The following ABHD6 variants were observed in gnomAD, a reference collection of about 807,000 sequenced individuals.
ABHD6 encodes the protein abhydrolase domain containing 6, acylglycerol lipase, also known as monoacylglycerol lipase ABHD6.
ABHD6 carries 33 observed loss-of-function variants against 38.8 expected under a neutral mutation model. The observed-to-expected ratio is 0.85, with a 90% CI of 0.64 to 1.14. The LOEUF is 1.14. Among genes scored for constraint, ABHD6 ranks in the 50% most tolerant of loss-of-function variants. The pLI, the probability that ABHD6 is intolerant of heterozygous loss-of-function variation, is 0.00. For missense variants in ABHD6, 380 were observed against 422.6 expected (o/e 0.90, Z 0.88); for synonymous variants, 147 against 161.6 (o/e 0.91, Z 0.69).
chr3:58,284,808 G>A (rs1305449949), intron 7 of ABHD6, among the ~76,000 whole-genome samples: 1 of 151,992 alleles, frequency 6.6e-6, no homozygotes, highest in Non-Finnish European at 1.5e-5. Context: ...TTGCTGTCAG[G>A]CCATCTCAGG....
chr3:58,240,950 G>C (rs544602568), intron 1 of ABHD6, among the ~76,000 whole-genome samples: 2 of 151,828 alleles, frequency 1.3e-5, no homozygotes, highest in African/African-American at 2.4e-5. Context: ...GGCTGGTCTC[G>C]AACTCCCGAC....
intron 2 of ABHD6, among the ~76,000 whole-genome samples, chr3:58,250,382 C>T (rs1008834877): frequency 6.6e-6 from 1 of 152,056 alleles, no homozygotes; most frequent in African/African-American, 2.4e-5. Flanking sequence ...GGAGTGCAGG[C>T]AAAGACGTGG....
intron 7 of ABHD6, among the ~76,000 whole-genome samples, chr3:58,276,621 A>C (rs1289764463): frequency 1.3e-5 from 2 of 152,138 alleles, no homozygotes; most frequent in African/African-American, 4.8e-5. Flanking sequence ...TAGTTTAATT[A>C]GATCCCATTC....
At position 58,270,912 on chromosome 3, in the gene ABHD6, T is replaced by C. The variant is rs1488894772; in HGVS notation, c.391-20T>C. 6.3e-7 allele frequency: 1 copy of C among 1,590,356 alleles called. No homozygotes were observed. The highest frequency in any genetic ancestry group is 8.5e-7 in the Non-Finnish European group (1 of 1,169,816). ...GTCTACAGCTGTATAACCAAGCTGC[T>C]TTCTCATTTCCCTTCCTAGTTTGTA... On this transcript the variant is annotated intron_variant, in intron 5 of 9. Transcript: ENST00000478253.
chr3:58,294,101 A>G lies in ABHD6; in HGVS notation c.*336A>G, dbSNP rs2097465576. 2 of 204,654 alleles carry G rather than the reference A, an allele frequency of 9.8e-6. No homozygotes were observed. The highest frequency in any genetic ancestry group is 2.3e-5 in the African/African-American group (1 of 43,376). 12.7% of individuals were successfully genotyped at this position (204,654 alleles called of 1,614,324 possible). ...AATTAAATCAAGGACATTTTCTTTG[A>G]GACATTCCTTATAGTTGGAGACTCA... On this transcript the variant is annotated 3_prime_UTR_variant, in exon 10 of 10. Transcript: ENST00000478253.
rs1177443342 is a variant in ABHD6 at position 58,266,241 on chromosome 3, G to A, written c.120-948G>A. ...ACGTGGATGGATCACTTGAGGCCAG[G>A]AGTTTGAGACTGGCCTGGCCAACAT... is the stretch of plus-strand genomic sequence containing the variant. On this transcript the variant is annotated intron_variant, in intron 3 of 9. Coordinates refer to ENST00000478253, the MANE Select transcript of ABHD6 (RefSeq NM_001320126.2). The surrounding 1 kb of genome is among the most constrained non-coding windows in gnomAD (Gnocchi z 4.0). 1.3e-5 allele frequency among the ~76,000 whole-genome samples: 2 copies of A among 152,250 alleles called. No individual in the cohort carries two copies. Among genetic ancestry groups the A allele is most frequent in the East Asian group, 3.9e-4 (2 of 5,172 alleles).
intron 3 of ABHD6, among the ~76,000 whole-genome samples, chr3:58,262,377 C>T (rs562679946): frequency 6.6e-6 from 1 of 152,258 alleles, no homozygotes; most frequent in East Asian, 1.9e-4. Context: ...TCAGAAGTTC[C>T]CGTTAACTAG....
Position 58,267,167 on chromosome 3 carries a change from CTTTA to C in ABHD6, c.120-18_120-15del. 6.2e-7 allele frequency: 1 copy of C among 1,612,496 alleles called. No individual in the cohort carries two copies. The highest frequency in any genetic ancestry group is 8.5e-7 in the Non-Finnish European group (1 of 1,179,072). On this transcript the variant is annotated intron_variant, in intron 3 of 9. Transcript: ENST00000478253. The surrounding 1 kb of genome is among the most constrained non-coding windows in gnomAD (Gnocchi z 4.3). ...CTAGAGCTTACTGATTTCGTTTTGTCTTTATTTCTCACCCCTTCCAGGTACTGGC... is the reference window on the plus strand; with the variant it reads ...CTAGAGCTTACTGATTTCGTTTTGTCTTTCTCACCCCTTCCAGGTACTGGC...
At chr3:58,252,707 C>T (rs1290104269) in intron 2 of ABHD6, among the ~76,000 whole-genome samples, 2 of 152,250 alleles carry the variant, frequency 1.3e-5, no homozygotes, top group African/African-American at 4.8e-5. Flanking sequence ...CTTTGGGAAA[C>T]TCAAGTTACA....
In ABHD6 at chr3:58,269,443, G is replaced by C. The variant is rs767941568; in HGVS notation, c.390+9G>C. 1.9e-6 allele frequency: 3 copies of C among 1,605,262 alleles called. No homozygotes were observed. Among genetic ancestry groups the C allele is most frequent in the African/African-American group, 2.7e-5 (2 of 74,750 alleles). On this transcript the variant is annotated intron_variant, in intron 5 of 9. Transcript: ENST00000478253. This position sits in a 1 kb window ranked among gnomAD's most constrained non-coding sequence, Gnocchi z 4.4. ...TTAAGAGGATACACCAGGTAAGCAG[G>C]AGGCTCTACCAAAGATTGCCCAGAC...
chr3:58,258,102 G>T (rs984639291), intron 3 of ABHD6, among the ~76,000 whole-genome samples: 40 of 152,120 alleles, frequency 2.6e-4, no homozygotes, highest in African/African-American at 9.7e-4. Flanking sequence ...GAGATCGGGA[G>T]TTCGAGACCA....
chr3:58,259,374 A>G lies in ABHD6; in HGVS notation c.119+2669A>G, dbSNP rs1264606311. On this transcript the variant is annotated intron_variant, in intron 3 of 9. Transcript: ENST00000478253. This position sits in a 1 kb window ranked among gnomAD's most constrained non-coding sequence, Gnocchi z 4.7. Reference sequence around the variant, plus strand: ...TTAAAATTCACATAACATAAAAGTCACCATTTTAAAGTGTACAATTCAAGG... The same window carrying G: ...TTAAAATTCACATAACATAAAAGTCGCCATTTTAAAGTGTACAATTCAAGG... Among the ~76,000 whole-genome samples the G allele has an allele frequency of 1.3e-5, 2 of 152,190 alleles. No homozygotes were observed. Among genetic ancestry groups the G allele is most frequent in the African/African-American group, 2.4e-5 (1 of 41,448 alleles).
chr3:58,242,879 G>A (rs1465868160), intron 1 of ABHD6, among the ~76,000 whole-genome samples: 2 of 151,632 alleles, frequency 1.3e-5, no homozygotes, highest in Non-Finnish European at 2.9e-5. Context: ...CCATCCCCCT[G>A]CCCCACGACA....
At chr3:58,242,485 C>T (rs1305027466) in intron 1 of ABHD6, among the ~76,000 whole-genome samples, 1 of 152,194 alleles carries the variant, frequency 6.6e-6, no homozygotes, top group Non-Finnish European at 1.5e-5. Flanking sequence ...GTGGGGCAGC[C>T]CTGTTGATTC....
Position 58,261,879 on chromosome 3 carries a change from A to G in ABHD6, c.119+5174A>G, listed in dbSNP as rs536553351. 3.5e-4 allele frequency among the ~76,000 whole-genome samples: 53 copies of G among 152,362 alleles called. No homozygotes were observed. In the South Asian group the frequency reaches 8.9e-3, roughly 26 times the overall value. ...CCAAAGAATTGCAAGCAGGGTCTCAATGTGTGCACCAATGTCCATAGCAGC... is the reference window on the plus strand; with the variant it reads ...CCAAAGAATTGCAAGCAGGGTCTCAGTGTGTGCACCAATGTCCATAGCAGC... On this transcript the variant is annotated intron_variant, in intron 3 of 9. Transcript: ENST00000478253.
chr3:58,249,817 A>G (rs1243268929), intron 1 of ABHD6, 61 bp from the exon 2 acceptor site: 1 of 152,188 alleles, frequency 6.6e-6, no homozygotes, highest in East Asian at 1.9e-4. Context: ...GGCTGTTAGC[A>G]CTTCATTCAT....
Position 58,267,462 on chromosome 3 carries a change from C to A in ABHD6, c.276+117C>A. 6.9e-6 allele frequency: 9 copies of A among 1,303,482 alleles called. No individual in the cohort carries two copies. In the South Asian group the frequency reaches 1.0e-4, roughly 15 times the overall value. The allele number at this position is 1,303,482 out of a possible 1,614,324, so 80.7% of individuals were successfully genotyped here. ...GGAGGATTGCTTGAGTCCAGGAGTT[C>A]AAAACCAGCCTGGACAACATAAAGA... On this transcript the variant is annotated intron_variant, in intron 4 of 9. Transcript: ENST00000478253. This position sits in a 1 kb window ranked among gnomAD's most constrained non-coding sequence, Gnocchi z 4.3.
At chr3:58,284,770 G>A (rs140646361) in intron 7 of ABHD6, among the ~76,000 whole-genome samples, 21 of 152,212 alleles carry the variant, frequency 1.4e-4, no homozygotes, top group African/African-American at 4.8e-4. Context: ...TATGTCTTAA[G>A]TGAAGCAGAG....
At chr3:58,247,878 T>C (rs1173322930) in intron 1 of ABHD6, among the ~76,000 whole-genome samples, 1 of 152,230 alleles carries the variant, frequency 6.6e-6, no homozygotes, top group East Asian at 1.9e-4. Context: ...CCAGCCTATA[T>C]TGTAATTTTT....
Sources: allele counts gnomAD v4.1 joint callset (sites outside exome capture counted in the v4.1 genomes callset), GRCh38; gene constraint gnomAD v4.1.1; non-coding constraint Gnocchi (gnomAD v3.1); transcripts MANE v1.5; gene names NCBI Gene and HGNC (gene_info 2026-07-23, HGNC 2026-07-21).